Variants in MCU observed in about 807,000 individuals in gnomAD.
The protein encoded by MCU is calcium uniporter protein, mitochondrial.
A neutral mutation model predicts 45.2 loss-of-function variants in MCU; 12 were observed. The observed-to-expected ratio is 0.27, with a 90% CI of 0.17 to 0.43. The LOEUF (loss-of-function observed/expected upper bound fraction) is 0.43. MCU is among the 20% of genes least tolerant of loss of function. The probability of loss-of-function intolerance (pLI) is 1.00; values close to 1 mark genes in which losing one functional copy is unlikely to be tolerated. For missense variants in MCU, 324 were observed against 436.7 expected (o/e 0.74, Z 2.30); for synonymous variants, 160 against 165.1 (o/e 0.97, Z 0.24).
intron 4 of MCU, among the ~76,000 whole-genome samples, chr10:72,864,749 G>A (rs1045045893): frequency 1.3e-5 from 2 of 152,260 alleles, no homozygotes; most frequent in Non-Finnish European, 2.9e-5. Flanking sequence ...AGACATTATC[G>A]AATCAGATTT....
rs1168968437 is a variant in MCU at position 72,840,018 on chromosome 10, G to A, written c.220+5590G>A. ...TGCTGGCATTTGCCTGTAAGTCTTTGTATGGACATGTTTTCATTCTTCTTG... is the reference window on the plus strand; with the variant it reads ...TGCTGGCATTTGCCTGTAAGTCTTTATATGGACATGTTTTCATTCTTCTTG... On this transcript the variant is annotated intron_variant, in intron 2 of 7. Transcript: ENST00000373053. Among the ~76,000 whole-genome samples, 3 of 146,268 alleles carry A rather than the reference G, an allele frequency of 2.1e-5. No individual in the cohort carries two copies. In the East Asian group the frequency reaches 6.1e-4, roughly 30 times the overall value.
intron 1 of MCU, among the ~76,000 whole-genome samples, chr10:72,754,084 G>A (rs1843540186): frequency 6.6e-6 from 1 of 152,144 alleles, no homozygotes; most frequent in South Asian, 2.1e-4. Context: ...ACTTCTGTTT[G>A]AATTAGGAAA....
At chr10:72,692,841 G>A in intron 1 of MCU, 1 of 1,428,540 alleles carries the variant, frequency 7.0e-7, no homozygotes, top group Non-Finnish European at 9.1e-7. Flanking sequence ...GAGGGGTCGG[G>A]CAGGAAGGAA....
intron 1 of MCU, among the ~76,000 whole-genome samples, chr10:72,764,803 A>T (rs1843701882): frequency 6.6e-6 from 1 of 152,156 alleles, no homozygotes. Context: ...TATTAAGAGA[A>T]TAGGATTTAT....
intron 1 of MCU, among the ~76,000 whole-genome samples, chr10:72,711,866 C>T (rs1842899512): frequency 6.6e-6 from 1 of 151,530 alleles, no homozygotes; most frequent in Non-Finnish European, 1.5e-5. Context: ...CGCCCACCAC[C>T]ACTCCCAGCT....
At chr10:72,803,245 A>G (rs979985669) in intron 1 of MCU, among the ~76,000 whole-genome samples, 5 of 151,696 alleles carry the variant, frequency 3.3e-5, no homozygotes, top group Non-Finnish European at 7.4e-5. Flanking sequence ...TGATTTCTTC[A>G]CAAAATCAGC....
chr10:72,866,500 G>A (rs368532201), intron 4 of MCU, among the ~76,000 whole-genome samples: 25 of 152,154 alleles, frequency 1.6e-4, no homozygotes, highest in South Asian at 1.0e-3. Context: ...GGGTTCAAGC[G>A]AGTCTCCAGC....
intron 1 of MCU, among the ~76,000 whole-genome samples, chr10:72,768,625 C>T (rs1843761537): frequency 1.3e-5 from 2 of 152,162 alleles, no homozygotes; most frequent in African/African-American, 4.8e-5. Flanking sequence ...ATTGTCATTA[C>T]TAATATATTG....
intron 1 of MCU, among the ~76,000 whole-genome samples, chr10:72,777,882 A>G (rs529181095): frequency 6.6e-6 from 1 of 152,344 alleles, no homozygotes; most frequent in East Asian, 1.9e-4. Flanking sequence ...AGATTCAAAC[A>G]CATTTCTTGA....
intron 1 of MCU, among the ~76,000 whole-genome samples, chr10:72,816,611 C>A (rs147180261): frequency 6.6e-6 from 1 of 152,270 alleles, no homozygotes; most frequent in East Asian, 1.9e-4. Flanking sequence ...TACTTAATTT[C>A]TATTTAAAAA....
intron 1 of MCU, among the ~76,000 whole-genome samples, chr10:72,728,656 G>A (rs566711175): frequency 6.6e-6 from 1 of 152,296 alleles, no homozygotes; most frequent in East Asian, 1.9e-4. Flanking sequence ...AGCTAATGTG[G>A]TGGGAGTGTG....
chr10:72,733,043 GT>G (rs1564541454), intron 1 of MCU, among the ~76,000 whole-genome samples: 1 of 152,234 alleles, frequency 6.6e-6, no homozygotes. Flanking sequence ...AAAAGCACAG[GT>G]TTTGGTGCCA....
intron 1 of MCU, among the ~76,000 whole-genome samples, chr10:72,696,403 AGAT>A (rs2132642962): frequency 6.6e-6 from 1 of 152,108 alleles, no homozygotes; most frequent in East Asian, 1.9e-4. Flanking sequence ...CCTAGCGTGA[AGAT>A]GATACTTTCA....
At chr10:72,794,400 G>A (rs529600279) in intron 1 of MCU, among the ~76,000 whole-genome samples, 1 of 152,316 alleles carries the variant, frequency 6.6e-6, no homozygotes, top group African/African-American at 2.4e-5. Context: ...TTGGGGATCA[G>A]TCTTTCTGCC....
intron 2 of MCU, among the ~76,000 whole-genome samples, chr10:72,846,704 A>G (rs1388943027): frequency 1.3e-5 from 2 of 152,094 alleles, no homozygotes; most frequent in Non-Finnish European, 2.9e-5. Context: ...TTTTTTGAAA[A>G]TGAAAATGTT....
chr10:72,804,448 C>T (rs1453857098), intron 1 of MCU, among the ~76,000 whole-genome samples: 2 of 151,986 alleles, frequency 1.3e-5, no homozygotes, highest in Non-Finnish European at 2.9e-5. Flanking sequence ...AGAAGAAAAA[C>T]AAAACATTTT....
chr10:72,726,311 T>C (rs1169650391), intron 1 of MCU, among the ~76,000 whole-genome samples: 1 of 151,734 alleles, frequency 6.6e-6, no homozygotes, highest in Non-Finnish European at 1.5e-5. Context: ...AATTGGATCA[T>C]ATTTGCATTC....
At chr10:72,700,173 T>G (rs1589422380) in intron 1 of MCU, among the ~76,000 whole-genome samples, 1 of 151,610 alleles carries the variant, frequency 6.6e-6, no homozygotes, top group African/African-American at 2.4e-5. Context: ...GATTCTCCTG[T>G]CTCAGCCTCC....
intron 1 of MCU, among the ~76,000 whole-genome samples, chr10:72,739,365 C>T (rs545870946): frequency 1.3e-5 from 2 of 152,274 alleles, no homozygotes; most frequent in Middle Eastern, 3.4e-3. Context: ...TGTATTGCAT[C>T]AAATAGGATT....
Sources: allele counts gnomAD v4.1 joint callset (sites outside exome capture counted in the v4.1 genomes callset), GRCh38; gene constraint gnomAD v4.1.1; transcripts MANE v1.5; gene names NCBI Gene and HGNC (gene_info 2026-07-23, HGNC 2026-07-21).